Variants in DENND5A observed in about 807,000 individuals in gnomAD.
DENND5A encodes DENN domain-containing protein 5A.
In DENND5A, 64 loss-of-function variants were observed where a neutral mutation model predicts 140.3. The observed-to-expected ratio is 0.46, with a 90% CI of 0.37 to 0.56. DENND5A has a LOEUF of 0.56. Ranked by LOEUF, DENND5A falls within the 20% of genes least tolerant of loss-of-function variation. The probability of loss-of-function intolerance (pLI) is 0.00; values close to 1 mark genes in which losing one functional copy is unlikely to be tolerated. For missense variants in DENND5A, 1,292 were observed against 1,593.8 expected, an observed-to-expected ratio of 0.81 and a Z score of 3.22; for synonymous variants, 605 against 607.7, an observed-to-expected ratio of 1.00 and a Z score of 0.07.
intron 1 of DENND5A, among the ~76,000 whole-genome samples, chr11:9,255,948 C>T (rs1851926524): frequency 6.6e-6 from 1 of 151,354 alleles, no homozygotes; most frequent in Non-Finnish European, 1.5e-5. Flanking sequence ...ATGGCCTGAA[C>T]CCGGGAGGCA....
chr11:9,239,414 G>A (rs558169105), intron 1 of DENND5A, among the ~76,000 whole-genome samples: 1 of 149,122 alleles, frequency 6.7e-6, no homozygotes, highest in South Asian at 2.1e-4. Flanking sequence ...ATGACTCACG[G>A]CAGCCTCAAC....
chr11:9,178,267 A>C lies in DENND5A; in HGVS notation c.1771T>G (p.Cys591Gly). 1.2e-6 allele frequency: 2 copies of C among 1,613,898 alleles called. No individual in the cohort carries two copies. Among genetic ancestry groups the C allele is most frequent in the Non-Finnish European group, 1.7e-6 (2 of 1,179,806 alleles). ...FASFIDNKIM[C>G]HDDDDKDPVL... ...GGGTCTTTATCATCATCATCATGAC[A>C]CATTATTTTGTTGTCAATGAAAGAT... is the stretch of plus-strand genomic sequence containing the variant. Residue 591 changes from cysteine to glycine, a missense_variant, in exon 8 of 23, where the codon TGT (cysteine) becomes GGT (glycine). This residue lies in a region of DENND5A where 199 missense variants were observed against 189.1 expected (regional missense o/e 1.05). Coordinates refer to ENST00000328194, the MANE Select transcript of DENND5A (RefSeq NM_015213.4).
intron 5 of DENND5A, among the ~76,000 whole-genome samples, chr11:9,191,164 A>G (rs977660243): frequency 6.6e-6 from 1 of 152,032 alleles, no homozygotes; most frequent in African/African-American, 2.4e-5. Context: ...GGAATACAGC[A>G]ACATGGAGGC....
chr11:9,239,068 G>A (rs1323644808), intron 1 of DENND5A, among the ~76,000 whole-genome samples: 1 of 151,598 alleles, frequency 6.6e-6, no homozygotes, highest in African/African-American at 2.4e-5. Flanking sequence ...CTGACCTCAG[G>A]TGATCTGCCC....
intron 1 of DENND5A, among the ~76,000 whole-genome samples, chr11:9,248,595 A>C (rs1276736517): frequency 6.6e-6 from 1 of 151,496 alleles, no homozygotes; most frequent in Non-Finnish European, 1.5e-5. Flanking sequence ...TCTAGGCTGA[A>C]CTGCGCTGTG....
intron 11 of DENND5A, among the ~76,000 whole-genome samples, chr11:9,162,769 T>C (rs1219284350): frequency 6.6e-6 from 1 of 152,090 alleles, no homozygotes; most frequent in Non-Finnish European, 1.5e-5. Flanking sequence ...GGCTCGATCA[T>C]GGTTCACGTA....
chr11:9,161,638 A>G (rs1266396336), intron 11 of DENND5A, among the ~76,000 whole-genome samples: 1 of 152,194 alleles, frequency 6.6e-6, no homozygotes, highest in Non-Finnish European at 1.5e-5. Context: ...TGCTTATTGT[A>G]AGATCATAAC....
intron 5 of DENND5A, 79 bp downstream of exon 5, chr11:9,193,415 T>C: frequency 8.6e-7 from 1 of 1,160,318 alleles, no homozygotes; most frequent in Non-Finnish European, 1.2e-6. Flanking sequence ...GGTAACATCA[T>C]GCATGCTGGG....
chr11:9,260,437 T>C (rs775751412), intron 1 of DENND5A, among the ~76,000 whole-genome samples: 4 of 152,026 alleles, frequency 2.6e-5, no homozygotes, highest in Middle Eastern at 3.4e-3. Context: ...CCATCAGAGG[T>C]AGAAAAAGAA....
intron 11 of DENND5A, among the ~76,000 whole-genome samples, chr11:9,161,607 T>C (rs1218102817): frequency 6.6e-6 from 1 of 152,186 alleles, no homozygotes; most frequent in Non-Finnish European, 1.5e-5. Context: ...AGGTAATTTA[T>C]TTTACATAAA....
At chr11:9,166,066 ATTTTCTTTTTTTTTCT>A in intron 10 of DENND5A, 99 bp from the exon 11 acceptor site, 5 of 1,123,094 alleles carry the variant, frequency 4.5e-6, no homozygotes, top group Non-Finnish European at 6.3e-6. Flanking sequence ...ATTTTCTCAC[ATTTTCTTTTTTTTTCT>A]TTTTCTTTTT....
At chr11:9,203,243 A>G (rs560245736) in intron 4 of DENND5A, among the ~76,000 whole-genome samples, 83 of 152,356 alleles carry the variant, frequency 5.4e-4, no homozygotes, top group Non-Finnish European at 1.0e-3. Flanking sequence ...AAAAGATGCA[A>G]CACATCCACA....
At chr11:9,162,644 A>C (rs973873541) in intron 11 of DENND5A, among the ~76,000 whole-genome samples, 2 of 152,086 alleles carry the variant, frequency 1.3e-5, no homozygotes, top group Admixed American at 6.6e-5. Flanking sequence ...CAACGAAACT[A>C]CAGAAAAGCA....
In DENND5A at chr11:9,165,931, T is replaced by C. The variant is rs1590224335; in HGVS notation, c.2188A>G (p.Ile730Val). ...AGGTTGGACAGTTTGGGCTGGCGGA[T>C]AGTGCTGCCCATAGTCCTGGCTTCC... ...IQEARTMGST[I>V]RQPKLSNLSP... The change falls in exon 11 of 23, where the codon ATC (isoleucine) becomes GTC (valine). Residue 730 changes from isoleucine to valine, a missense_variant. By Grantham distance (29) the Ile-to-Val change is conservative. Around this residue, in one of 4 missense-constraint regions of DENND5A, gnomAD observed 498 missense variants for 689.7 expected, o/e 0.72. Coordinates refer to ENST00000328194, the MANE Select transcript of DENND5A (RefSeq NM_015213.4). 2 of 1,614,186 alleles carry C rather than the reference T, an allele frequency of 1.2e-6. No homozygotes were observed. The highest frequency in any genetic ancestry group is 1.6e-4 in the Middle Eastern group (1 of 6,062).
intron 5 of DENND5A, among the ~76,000 whole-genome samples, chr11:9,187,335 A>G (rs185521647): frequency 2.8e-4 from 42 of 152,236 alleles, no homozygotes; most frequent in African/African-American, 1.0e-3. Flanking sequence ...TGGAAGAGGT[A>G]CCGAATGCCA....
At chr11:9,169,570 G>C (rs975186141) in intron 10 of DENND5A, among the ~76,000 whole-genome samples, 1 of 150,860 alleles carries the variant, frequency 6.6e-6, no homozygotes, top group East Asian at 1.9e-4. Context: ...CCAAGTTTCA[G>C]ACTCTTAACT....
chr11:9,154,359 CTA>C (rs201763404), intron 12 of DENND5A, among the ~76,000 whole-genome samples: 1 of 152,112 alleles, frequency 6.6e-6, no homozygotes, highest in East Asian at 1.9e-4. Context: ...CTCTTAATAA[CTA>C]TGCTACACGA....
At chr11:9,150,634 T>C (rs777816303) in intron 14 of DENND5A, 46 bp downstream of exon 14, 25 of 1,448,050 alleles carry the variant, frequency 1.7e-5, no homozygotes, top group Non-Finnish European at 2.3e-5. Flanking sequence ...AAGCAGCAAC[T>C]GAAAACAGGA....
At chr11:9,214,480 A>C (rs1433425011) in intron 1 of DENND5A, among the ~76,000 whole-genome samples, 1 of 152,190 alleles carries the variant, frequency 6.6e-6, no homozygotes, top group Non-Finnish European at 1.5e-5. Flanking sequence ...ACACATACAC[A>C]ATAAGGACTG....
Sources: allele counts gnomAD v4.1 joint callset (sites outside exome capture counted in the v4.1 genomes callset), GRCh38; gene constraint gnomAD v4.1.1; regional missense constraint gnomAD v4.1.1; transcripts MANE v1.5; gene names NCBI Gene and HGNC (gene_info 2026-07-23, HGNC 2026-07-21).